Variants in C1orf185 observed in about 807,000 individuals in gnomAD.
C1orf185 encodes chromosome 1 open reading frame 185, also known as uncharacterized protein C1orf185.
A neutral mutation model predicts 16.1 loss-of-function variants in C1orf185; 13 were observed. The observed-to-expected ratio is 0.81, with a 90% CI of 0.53 to 1.28. The LOEUF (loss-of-function observed/expected upper bound fraction) is 1.28. Ranked by LOEUF, C1orf185 falls within the 50% of genes most tolerant of loss-of-function variation. C1orf185 has a pLI of 0.00. For synonymous variants in C1orf185, 80 were observed against 76.9 expected, an observed-to-expected ratio of 1.04 and a Z score of -0.21; for missense variants, 220 against 225.2, an observed-to-expected ratio of 0.98 and a Z score of 0.15.
At chr1:51,150,858 C>T (rs926463950), downstream of C1orf185, among the ~76,000 whole-genome samples, 1 of 152,126 alleles carries the variant, frequency 6.6e-6, no homozygotes, top group Admixed American at 6.6e-5. Flanking sequence ...AATGCCTGCA[C>T]CAAGAGTGGG....
intron 3 of C1orf185, among the ~76,000 whole-genome samples, chr1:51,142,121 A>G (rs1372387966): frequency 2.0e-5 from 3 of 152,168 alleles, no homozygotes; most frequent in African/African-American, 7.2e-5. Flanking sequence ...AATTGGGGAA[A>G]TTTAATATTG....
At position 51,114,953 on chromosome 1, in the gene C1orf185, T is replaced by C. The variant is rs144930096; in HGVS notation, c.122+2384T>C. Among the ~76,000 whole-genome samples the C allele has an allele frequency of 2.4e-3, 367 of 152,264 alleles. 2 individuals carry two copies. Among genetic ancestry groups the C allele is most frequent in the African/African-American group, 8.6e-3 (357 of 41,556 alleles). ...CAGGCATCACTCCTGACCTCCTACC[T>C]CAGAGGAAAGATTTATTCAGGTTTC... is the stretch of plus-strand genomic sequence containing the variant. On this transcript the variant is annotated intron_variant, in intron 2 of 4. Transcript: ENST00000371759.
chr1:51,139,032 A>G (rs903769639), intron 3 of C1orf185, among the ~76,000 whole-genome samples: 1 of 151,910 alleles, frequency 6.6e-6, no homozygotes, highest in Non-Finnish European at 1.5e-5. Flanking sequence ...ATTTGCTAAT[A>G]TTTTACTTAC....
At chr1:51,102,601 G>C (rs556644284) in intron 1 of C1orf185, among the ~76,000 whole-genome samples, 1 of 151,954 alleles carries the variant, frequency 6.6e-6, no homozygotes, top group South Asian at 2.1e-4. Flanking sequence ...TGCTCTATCT[G>C]TGATTATGTT....
rs1646130376 is a variant in C1orf185 at position 51,112,725 on chromosome 1, A to G, written c.122+156A>G. On this transcript the variant is annotated intron_variant, in intron 2 of 4. Coordinates refer to ENST00000371759, the MANE Select transcript of C1orf185 (RefSeq NM_001136508.2). ...CCTTTGGTTGGGGACGGAAGGCTTT[A>G]CATTTTTTAAGTAGCCTGAAAAAAG... Among the ~76,000 whole-genome samples the G allele has an allele frequency of 2.0e-5, 3 of 152,186 alleles. No individual in the cohort carries two copies. In the South Asian group the frequency reaches 6.2e-4, roughly 32 times the overall value.
At chr1:51,114,534 C>T (rs1646144507) in intron 2 of C1orf185, among the ~76,000 whole-genome samples, 1 of 152,078 alleles carries the variant, frequency 6.6e-6, no homozygotes, top group South Asian at 2.1e-4. Context: ...ACCAGCCTGG[C>T]CATCATGGCA....
intron 2 of C1orf185, among the ~76,000 whole-genome samples, 189 bp downstream of exon 2, chr1:51,112,758 G>A (rs931074863): frequency 1.3e-5 from 2 of 151,912 alleles, no homozygotes; most frequent in Non-Finnish European, 2.9e-5. Flanking sequence ...AAGAAGTACT[G>A]GTGATAGGAA....
At chr1:51,125,085 G>T (rs767919828) in intron 3 of C1orf185, among the ~76,000 whole-genome samples, 199 of 152,310 alleles carry the variant, frequency 1.3e-3, no homozygotes, top group Non-Finnish European at 2.4e-3. Context: ...ACGGGAAGGT[G>T]TTTTTGTTTT....
rs557351813 is a variant in C1orf185, at chr1:51,124,082, T to G, written c.258+5281T>G. On this transcript the variant is annotated intron_variant, in intron 3 of 4. Coordinates refer to ENST00000371759, the MANE Select transcript of C1orf185 (RefSeq NM_001136508.2). ...TCTCTTGGTATTTCACTGTAGTTTG[T>G]TTTTTTTTTTTTTTTTTTTGAGACA... 6.3e-3 allele frequency among the ~76,000 whole-genome samples: 813 copies of G among 128,588 alleles called. 7 individuals are homozygous for G. The highest frequency in any genetic ancestry group is 0.025 in the African/African-American group (778 of 30,528). 84.4% of individuals were successfully genotyped at this position (128,588 alleles called of 152,430 possible). A position where few individuals can be genotyped will look rare whatever the true frequency, so the allele number is the denominator to read the frequency against.
In C1orf185 at chr1:51,125,725, T is replaced by A. The variant is rs138601263; in HGVS notation, c.258+6924T>A. ...GGAGTTAGAAGGCAATGCTCAAATA[T>A]GTCACCCTGAGCTGGAGTCTGGGAG... On this transcript the variant is annotated intron_variant, in intron 3 of 4. Coordinates refer to ENST00000371759, the MANE Select transcript of C1orf185 (RefSeq NM_001136508.2). Among the ~76,000 whole-genome samples the A allele has an allele frequency of 2.8e-3, 427 of 152,312 alleles. 8 individuals are homozygous for A. Among genetic ancestry groups the A allele is most frequent in the Admixed American group, 0.023 (359 of 15,296 alleles).
At chr1:51,144,301 T>C (rs1003886408) in intron 3 of C1orf185, among the ~76,000 whole-genome samples, 20 of 152,168 alleles carry the variant, frequency 1.3e-4, no homozygotes, top group African/African-American at 4.8e-4. Context: ...TGAGAAGCAA[T>C]ATTCTAAAGT....
intron 1 of C1orf185, among the ~76,000 whole-genome samples, chr1:51,106,228 G>T (rs1019304230): frequency 6.6e-6 from 1 of 152,032 alleles, no homozygotes; most frequent in African/African-American, 2.4e-5. Flanking sequence ...AAATTTTTCT[G>T]ATTTTTCTAA....
At chr1:51,136,641 C>T (rs1013334787) in intron 3 of C1orf185, among the ~76,000 whole-genome samples, 2 of 152,090 alleles carry the variant, frequency 1.3e-5, no homozygotes, top group African/African-American at 4.8e-5. Context: ...CTGACAAAAA[C>T]AAGCAATGGG....
At chr1:51,122,599 A>G (rs758611557) in intron 3 of C1orf185, among the ~76,000 whole-genome samples, 2 of 152,236 alleles carry the variant, frequency 1.3e-5, no homozygotes, top group Non-Finnish European at 2.9e-5. Context: ...TTGACACATA[A>G]TAATCCAAAA....
At chr1:51,133,258 G>A (rs1002583926) in intron 3 of C1orf185, among the ~76,000 whole-genome samples, 1 of 152,144 alleles carries the variant, frequency 6.6e-6, no homozygotes, top group Admixed American at 6.6e-5. Flanking sequence ...AGAAGACACA[G>A]TAGCAAGCTG....
chr1:51,130,640 T>C (rs1238017849), intron 3 of C1orf185, among the ~76,000 whole-genome samples: 1 of 152,230 alleles, frequency 6.6e-6, no homozygotes, highest in Non-Finnish European at 1.5e-5. Context: ...TGTAGAAAAG[T>C]CTTTTTTTCC....
At chr1:51,103,658 C>A (rs951187910) in intron 1 of C1orf185, among the ~76,000 whole-genome samples, 2 of 151,906 alleles carry the variant, frequency 1.3e-5, no homozygotes, top group African/African-American at 4.8e-5. Flanking sequence ...CTCAGCTGCC[C>A]CGCTAACTGG....
chr1:51,130,525 T>C (rs1328970820), intron 3 of C1orf185, among the ~76,000 whole-genome samples: 4 of 152,136 alleles, frequency 2.6e-5, no homozygotes, highest in Admixed American at 6.5e-5. Flanking sequence ...TTTGATACTA[T>C]CTATATTGTT....
chr1:51,112,545 T>A lies in C1orf185; in HGVS notation c.98T>A (p.Leu33Ter), dbSNP rs555642631. 7.7e-6 allele frequency: 12 copies of A among 1,550,138 alleles called. No homozygotes were observed. The South Asian group carries it at 1.4e-4, about 19-fold the overall frequency. ...GGTTTCTTTGCTTTGGCATCAGCTT[T>A]GTGGTTCCTGATTTGCAAACGAAGG... ...GIGFFALASA[L>*]WFLICKRREI... is the part of the protein sequence containing the mutation. The change falls in exon 2 of 5, where the codon TTG (leucine) becomes TAG (stop). Residue 33 changes from leucine to a stop codon, truncating the protein, a stop_gained. Transcript: ENST00000371759. LOFTEE classifies it high-confidence loss of function.
Sources: gnomAD v4.1 joint callset for allele counts (sites outside exome capture counted in the v4.1 genomes callset) on GRCh38, gnomAD v4.1.1 for gene constraint, MANE v1.5 for transcripts, NCBI Gene and HGNC (gene_info 2026-07-23, HGNC 2026-07-21) for gene names.